TRIO: variants seen among roughly 807,000 people sequenced by gnomAD.
TRIO encodes the protein triple functional domain protein.
In TRIO, 58 loss-of-function variants were observed where a neutral mutation model predicts 351.9. The ratio of observed to expected loss-of-function variants is 0.16; its 90% CI spans 0.13 to 0.21. TRIO has a LOEUF of 0.21. Among genes scored for constraint, TRIO ranks in the 10% least tolerant of loss-of-function variants. The pLI is 1.00. For synonymous variants in TRIO, 1,758 were observed against 1,595.7 expected (o/e 1.10, Z -2.42); for missense variants, 3,201 against 4,027.8 (o/e 0.79, Z 5.56).
intron 40 of TRIO, 149 bp downstream of exon 40, chr5:14,474,246 C>T (rs1754885833): frequency 1.1e-5 from 7 of 640,958 alleles, no homozygotes; most frequent in Non-Finnish European, 1.9e-5. Flanking sequence ...TATTGATGTA[C>T]CCAGGAGTTC....
At chr5:14,254,356 G>A (rs1195088530) in intron 1 of TRIO, among the ~76,000 whole-genome samples, 1 of 152,154 alleles carries the variant, frequency 6.6e-6, no homozygotes, top group African/African-American at 2.4e-5. Flanking sequence ...ATTTTTAGTA[G>A]AGACGGGGTT....
chr5:14,152,536 A>AT, intron 1 of TRIO, among the ~76,000 whole-genome samples: 1 of 152,050 alleles, frequency 6.6e-6, no homozygotes, highest in East Asian at 1.9e-4. Context: ...TGCCCAGCTA[A>AT]TTTTTTTGTA....
At chr5:14,162,544 G>A (rs762427480) in intron 1 of TRIO, among the ~76,000 whole-genome samples, 6 of 152,198 alleles carry the variant, frequency 3.9e-5, no homozygotes, top group Non-Finnish European at 7.3e-5. Flanking sequence ...TGTGGTATGT[G>A]AAAGCATTTT....
chr5:14,205,745 TATTTA>T (rs1270185110), intron 1 of TRIO, among the ~76,000 whole-genome samples: 1 of 152,250 alleles, frequency 6.6e-6, no homozygotes, highest in African/African-American at 2.4e-5. Context: ...TTTATTTATT[TATTTA>T]GAGACAGAGT....
In TRIO at chr5:14,406,242, A is replaced by G. The variant is rs1748707935; in HGVS notation, c.4859+252A>G. 7.8e-5 allele frequency: 46 copies of G among 590,234 alleles called. 1 individual carries two copies. The South Asian group carries it at 9.4e-4, about 12-fold the overall frequency. 36.6% of individuals were successfully genotyped at this position (590,234 alleles called of 1,614,324 possible). On this transcript the variant is annotated intron_variant, in intron 32 of 56. Transcript: ENST00000344204. ...TTTTGCCTTTCTCACCCCGAGCACCATACAGGGCACATGTCTAACTCATGC... is the reference window on the plus strand; with the variant it reads ...TTTTGCCTTTCTCACCCCGAGCACCGTACAGGGCACATGTCTAACTCATGC...
intron 34 of TRIO, among the ~76,000 whole-genome samples, chr5:14,433,204 A>C (rs1477528334): frequency 6.6e-6 from 1 of 152,242 alleles, no homozygotes; most frequent in Admixed American, 6.5e-5. Flanking sequence ...AAAAGATAGT[A>C]AATAAAGCAA....
At chr5:14,419,730 C>T in intron 33 of TRIO, 48 bp from the exon 34 acceptor site, 1 of 1,600,136 alleles carries the variant, frequency 6.2e-7, no homozygotes. Flanking sequence ...CTGAAGGCAC[C>T]ATGGCTCACA....
chr5:14,419,356 T>C (rs1749920292), intron 33 of TRIO, among the ~76,000 whole-genome samples: 1 of 152,146 alleles, frequency 6.6e-6, no homozygotes, highest in South Asian at 2.1e-4. Flanking sequence ...TGTGGCTGCC[T>C]CTTTCCTGAC....
At chr5:14,361,537 C>T (rs558113833) in intron 13 of TRIO, among the ~76,000 whole-genome samples, 6 of 152,220 alleles carry the variant, frequency 3.9e-5, no homozygotes, top group Non-Finnish European at 5.9e-5. Flanking sequence ...GCCAGGTTTC[C>T]TCTGTTATCC....
At chr5:14,186,393 C>G (rs1365478451) in intron 1 of TRIO, among the ~76,000 whole-genome samples, 1 of 152,166 alleles carries the variant, frequency 6.6e-6, no homozygotes, top group Non-Finnish European at 1.5e-5. Context: ...AGAGCACGGT[C>G]TAAATTTGGA....
intron 34 of TRIO, among the ~76,000 whole-genome samples, chr5:14,434,083 G>T (rs1253342010): frequency 6.6e-6 from 1 of 152,126 alleles, no homozygotes; most frequent in Non-Finnish European, 1.5e-5. Context: ...ACAGACACTT[G>T]AAATTGAAGT....
chr5:14,395,041 G>A (rs1747440925), intron 28 of TRIO, among the ~76,000 whole-genome samples: 1 of 152,128 alleles, frequency 6.6e-6, no homozygotes, highest in Non-Finnish European at 1.5e-5. Context: ...CCCTAGGCTC[G>A]ACAACGGGAA....
chr5:14,345,706 G>A (rs367875066), intron 11 of TRIO, among the ~76,000 whole-genome samples: 22 of 152,204 alleles, frequency 1.4e-4, no homozygotes, highest in Middle Eastern at 3.4e-3. Flanking sequence ...GATTACAGGC[G>A]TGTGCCACCA....
intron 34 of TRIO, among the ~76,000 whole-genome samples, chr5:14,455,042 G>T (rs1486785067): frequency 2.0e-5 from 3 of 152,068 alleles, no homozygotes; most frequent in Non-Finnish European, 4.4e-5. Context: ...TGGTCTCGCT[G>T]GCCTCAGGAG....
intron 10 of TRIO, among the ~76,000 whole-genome samples, chr5:14,331,366 G>T (rs1314486524): frequency 6.6e-6 from 1 of 152,108 alleles, no homozygotes; most frequent in Admixed American, 6.5e-5. Flanking sequence ...TGGACAAGTC[G>T]CTTAACCTTT....
intron 1 of TRIO, among the ~76,000 whole-genome samples, chr5:14,151,442 C>T (rs1315909324): frequency 6.6e-6 from 1 of 151,510 alleles, no homozygotes; most frequent in African/African-American, 2.4e-5. Flanking sequence ...CTTGGAAAGT[C>T]ATAAAATACC....
chr5:14,223,556 T>C (rs374987907), intron 1 of TRIO, among the ~76,000 whole-genome samples: 4 of 152,242 alleles, frequency 2.6e-5, no homozygotes, highest in African/African-American at 9.6e-5. Flanking sequence ...TTCAAGTTAA[T>C]CTTATTACGT....
chr5:14,197,214 G>A (rs373305516), intron 1 of TRIO, among the ~76,000 whole-genome samples: 6 of 152,186 alleles, frequency 3.9e-5, no homozygotes, highest in African/African-American at 1.4e-4. Context: ...CTTGCTGTGA[G>A]TCCCCTGGGC....
At chr5:14,216,089 C>G (rs1419265193) in intron 1 of TRIO, among the ~76,000 whole-genome samples, 2 of 152,186 alleles carry the variant, frequency 1.3e-5, no homozygotes, top group African/African-American at 4.8e-5. Flanking sequence ...ATAATCCATG[C>G]AAAGCTTGGC....
Sources: allele counts gnomAD v4.1 joint callset (sites outside exome capture counted in the v4.1 genomes callset), GRCh38; gene constraint gnomAD v4.1.1; transcripts MANE v1.5; gene names NCBI Gene and HGNC (gene_info 2026-07-23, HGNC 2026-07-21).